ANK1: variants seen among roughly 807,000 people sequenced by gnomAD.
The protein encoded by ANK1 is ankyrin-1.
Under a neutral mutation model 210.4 loss-of-function variants are expected in ANK1, and 51 were observed. The observed-to-expected ratio is 0.24, with a 90% CI of 0.19 to 0.31. The LOEUF (loss-of-function observed/expected upper bound fraction) is 0.31. ANK1 is among the 10% of genes least tolerant of loss of function. The pLI is 1.00. For synonymous variants in ANK1, 967 were observed against 1,025.9 expected, an observed-to-expected ratio of 0.94 and a Z score of 1.10; for missense variants, 2,051 against 2,504.4, an observed-to-expected ratio of 0.82 and a Z score of 3.86.
At chr8:41,779,777 T>C (rs1375932215) in intron 1 of ANK1, among the ~76,000 whole-genome samples, 1 of 152,212 alleles carries the variant, frequency 6.6e-6, no homozygotes, top group South Asian at 2.1e-4. Context: ...TTAAAAAACT[T>C]GCCCAAGGTC....
intron 1 of ANK1, among the ~76,000 whole-genome samples, chr8:41,884,243 G>A (rs991905327): frequency 2.6e-5 from 4 of 152,328 alleles, no homozygotes; most frequent in African/African-American, 7.2e-5. Flanking sequence ...AGCTACTTGG[G>A]AGGATGAGGC....
At chr8:41,760,338 T>C (rs1840112746) in intron 1 of ANK1, among the ~76,000 whole-genome samples, 1 of 152,144 alleles carries the variant, frequency 6.6e-6, no homozygotes, top group African/African-American at 2.4e-5. Flanking sequence ...TCATGAGATC[T>C]GATAGTTTTA....
chr8:41,701,996 G>T, intron 21 of ANK1, 56 bp downstream of exon 21: 3 of 1,551,044 alleles, frequency 1.9e-6, no homozygotes, highest in Admixed American at 1.7e-5. Context: ...CCCCAGGCAC[G>T]CCTGTGCGCC....
intron 1 of ANK1, among the ~76,000 whole-genome samples, chr8:41,878,979 G>A (rs532383002): frequency 1.3e-5 from 2 of 152,236 alleles, no homozygotes; most frequent in South Asian, 2.1e-4. Context: ...CAGGAGAATC[G>A]CTTGAACCTG....
intron 2 of ANK1, among the ~76,000 whole-genome samples, chr8:41,749,441 G>A (rs1013579272): frequency 2.0e-5 from 3 of 151,822 alleles, no homozygotes; most frequent in Non-Finnish European, 4.4e-5. Flanking sequence ...AGGACTGTAG[G>A]CACCCACCAC....
chr8:41,827,629 CACAT>C (rs1393134598), intron 1 of ANK1, among the ~76,000 whole-genome samples: 2 of 152,140 alleles, frequency 1.3e-5, no homozygotes, highest in Non-Finnish European at 1.5e-5. Flanking sequence ...TTTCTTCACA[CACAT>C]ACACACACAC....
At chr8:41,890,385 C>T (rs1269486737) in intron 1 of ANK1, among the ~76,000 whole-genome samples, 1 of 152,156 alleles carries the variant, frequency 6.6e-6, no homozygotes, top group African/African-American at 2.4e-5. Flanking sequence ...GAGAGCCAGG[C>T]AAAGTTGATC....
At chr8:41,814,643 G>A (rs141460591) in intron 1 of ANK1, among the ~76,000 whole-genome samples, 1,732 of 151,926 alleles carry the variant, frequency 0.011, 20 homozygotes, top group Non-Finnish European at 0.018. Context: ...GTTAAAGATC[G>A]GATGAGATTT....
At chr8:41,670,943 G>A (rs562362904) in intron 38 of ANK1, among the ~76,000 whole-genome samples, 119 of 152,326 alleles carry the variant, frequency 7.8e-4, no homozygotes, top group Non-Finnish European at 1.2e-3. Flanking sequence ...GGAGGACAAC[G>A]TGAGCCCCAT....
intron 1 of ANK1, among the ~76,000 whole-genome samples, chr8:41,774,686 G>C (rs996266344): frequency 6.6e-6 from 1 of 152,242 alleles, no homozygotes; most frequent in African/African-American, 2.4e-5. Flanking sequence ...CTGAGGGTGG[G>C]AAGATATTGG....
chr8:41,769,483 G>C (rs1184408875), intron 1 of ANK1, among the ~76,000 whole-genome samples: 1 of 152,148 alleles, frequency 6.6e-6, no homozygotes, highest in Admixed American at 6.5e-5. Flanking sequence ...CTAATGCACT[G>C]TTCCAACATT....
intron 38 of ANK1, among the ~76,000 whole-genome samples, chr8:41,671,416 A>C (rs1812244638): frequency 6.6e-6 from 1 of 152,132 alleles, no homozygotes; most frequent in Non-Finnish European, 1.5e-5. Context: ...GCAAGGGGAG[A>C]GGAGCTCCGA....
intron 1 of ANK1, among the ~76,000 whole-genome samples, chr8:41,832,542 C>T (rs1451221388): frequency 6.6e-6 from 1 of 152,160 alleles, no homozygotes; most frequent in Non-Finnish European, 1.5e-5. Flanking sequence ...TCCCAAAGCC[C>T]TGAAGACCCA....
chr8:41,879,752 C>T (rs888528029), intron 1 of ANK1, among the ~76,000 whole-genome samples: 1 of 152,224 alleles, frequency 6.6e-6, no homozygotes, highest in Non-Finnish European at 1.5e-5. Flanking sequence ...AAGCAACACT[C>T]CCCTGGAGTG....
chr8:41,727,992 G>A lies in ANK1; in HGVS notation c.243C>T (p.Ala81=), dbSNP rs767837414. The change falls in exon 4 of 43, where the codon GCC becomes GCT. Residue 81 remains alanine, a synonymous_variant. Transcript: ENST00000289734. ...GCCCGGCTAGAGCAGCGATGTGCAG[G>A]GCCGTGTTCCCCTTCTGAAACACAT... ...LETTTKKGNT[A]LHIAALAGQD... 7.4e-6 allele frequency: 12 copies of A among 1,614,044 alleles called. No homozygotes were observed. Among genetic ancestry groups the A allele is most frequent in the Non-Finnish European group, 1.0e-5 (12 of 1,180,024 alleles).
chr8:41,823,384 A>G (rs1804809066), intron 1 of ANK1, among the ~76,000 whole-genome samples: 1 of 152,224 alleles, frequency 6.6e-6, no homozygotes. Flanking sequence ...CCAGTGAAGT[A>G]ATCTTTATAT....
intron 39 of ANK1, chr8:41,665,939 C>T (rs1430554126): frequency 6.6e-6 from 1 of 152,278 alleles, no homozygotes; most frequent in Non-Finnish European, 1.5e-5. Context: ...CTTGTATTTA[C>T]AGAGCTGATT....
chr8:41,670,534 A>G (rs2150559692), intron 38 of ANK1, among the ~76,000 whole-genome samples: 2 of 152,346 alleles, frequency 1.3e-5, no homozygotes, highest in Admixed American at 1.3e-4. Context: ...ACTTTAAACC[A>G]GCCTAAGCTC....
chr8:41,895,905 C>A (rs551737717), intron 1 of ANK1, among the ~76,000 whole-genome samples: 1,532 of 151,038 alleles, frequency 0.01, 35 homozygotes, highest in African/African-American at 0.036. Flanking sequence ...AGAGCTGCCC[C>A]CCCCCGGCCC....
Sources: gnomAD v4.1 joint callset for allele counts (sites outside exome capture counted in the v4.1 genomes callset) on GRCh38, gnomAD v4.1.1 for gene constraint, MANE v1.5 for transcripts, NCBI Gene and HGNC (gene_info 2026-07-23, HGNC 2026-07-21) for gene names.